Variants in PCM1 observed in about 807,000 individuals in gnomAD.
PCM1 encodes the protein pericentriolar material 1.
PCM1 carries 157 observed loss-of-function variants against 241.9 expected under a neutral mutation model. The observed-to-expected ratio is 0.65, with a 90% confidence interval of 0.57 to 0.74. The LOEUF is 0.74. Among genes scored for constraint, PCM1 ranks in the 30% least tolerant of loss-of-function variants. PCM1 has a pLI of 0.00. For missense variants in PCM1, 3,478 were observed against 2,360.1 expected (o/e 1.47, Z -9.81); for synonymous variants, 1,085 against 784.9 (o/e 1.38, Z -6.39).
At chr8:17,930,923 C>T (rs11990383) in intron 2 of PCM1, among the ~76,000 whole-genome samples, 1,903 of 152,066 alleles carry the variant, frequency 0.013, 45 homozygotes, top group African/African-American at 0.043. Flanking sequence ...ATTTCTTTAG[C>T]TTCATACTAA....
intron 32 of PCM1, 63 bp downstream of exon 32, chr8:18,010,731 G>A (rs1249717654): frequency 1.9e-5 from 23 of 1,238,236 alleles, no homozygotes; most frequent in South Asian, 2.7e-5. Context: ...CCCCGTAATC[G>A]CAGCCCTTTG....
chr8:17,962,121 A>C lies in PCM1; in HGVS notation c.2410A>C (p.Ser804Arg), dbSNP rs374616856. ...CCCAACTGTTAATCAACACGAGACC[A>C]GTACAAGCAAATCTGTTTTTGAGCC... ...STPTVNQHET[S>R]TSKSVFEPED... The change falls in exon 16 of 39, where the codon AGT becomes CGT. Residue 804 changes from serine to arginine, a missense_variant. Physicochemically the swap from Ser to Arg is moderately radical, Grantham distance 110. Transcript: ENST00000325083. The C allele has an allele frequency of 1.3e-4, 209 of 1,610,498 alleles. No homozygotes were observed. Among genetic ancestry groups the C allele is most frequent in the Non-Finnish European group, 1.7e-4 (196 of 1,177,964 alleles).
At chr8:17,939,931 C>T in intron 6 of PCM1, 70 bp downstream of exon 6, 1 of 1,108,634 alleles carries the variant, frequency 9.0e-7, no homozygotes, top group Middle Eastern at 2.1e-4. Flanking sequence ...TGATGACATT[C>T]TGATGCCACC....
In PCM1 at chr8:17,955,471, C is replaced by G. The variant is rs778875270; in HGVS notation, c.1290C>G (p.Ser430=). ...LRDQHLNNSS[S]SPQRSVDQRS... ...TTTTTGTTGTTGTGCCTTCTTCAGC[C>G]TCTCCACAAAGGAGTGTCGATCAGA... Residue 430 remains serine, a splice_region_variant and synonymous_variant, in exon 10 of 39, where the codon TCC becomes TCG. Coordinates refer to ENST00000325083, the MANE Select transcript of PCM1 (RefSeq NM_006197.4). The G allele has an allele frequency of 2.5e-6, 4 of 1,582,000 alleles. No homozygotes were observed. The highest frequency in any genetic ancestry group is 3.4e-6 in the Non-Finnish European group (4 of 1,165,138).
intron 5 of PCM1, 101 bp downstream of exon 5, chr8:17,939,110 G>T: frequency 8.4e-7 from 1 of 1,183,942 alleles, no homozygotes; most frequent in South Asian, 1.5e-5. Flanking sequence ...TTTTAGTTGG[G>T]TGGAATTAAA....
At chr8:17,991,809 C>T (rs1349846686) in intron 28 of PCM1, 109 bp downstream of exon 28, 2 of 735,566 alleles carry the variant, frequency 2.7e-6, no homozygotes, top group African/African-American at 3.5e-5. Flanking sequence ...ATCGCCTGAG[C>T]AGTATACACT....
In PCM1 at chr8:18,026,924, C is replaced by A. The variant is rs181398052; in HGVS notation, c.6050-713C>A. 5.9e-5 allele frequency among the ~76,000 whole-genome samples: 9 copies of A among 152,242 alleles called. No homozygotes were observed. The East Asian group carries it at 1.5e-3, about 26-fold the overall frequency. On this transcript the variant is annotated intron_variant, in intron 38 of 38. Coordinates refer to ENST00000325083, the MANE Select transcript of PCM1 (RefSeq NM_006197.4). ...CGTAATATAATTAAATGGTTCTATA[C>A]CTTCTCTGAGGTTGCTTCTATATAA...
At chr8:17,937,981 CTG>C (rs1444985426) in intron 4 of PCM1, among the ~76,000 whole-genome samples, 1 of 152,154 alleles carries the variant, frequency 6.6e-6, no homozygotes, top group Non-Finnish European at 1.5e-5. Flanking sequence ...GAACACTTAA[CTG>C]TATATCAGGC....
At chr8:17,996,955 C>T (rs1003729358) in intron 29 of PCM1, among the ~76,000 whole-genome samples, 2 of 152,018 alleles carry the variant, frequency 1.3e-5, no homozygotes, top group African/African-American at 4.8e-5. Flanking sequence ...ACCACAATTA[C>T]AGTGTTATAA....
chr8:17,967,281 T>C, intron 21 of PCM1, 111 bp downstream of exon 21: 1 of 725,398 alleles, frequency 1.4e-6, no homozygotes, highest in Non-Finnish European at 2.2e-6. Flanking sequence ...GGGTAGGAAA[T>C]GTTTGCAAAG....
At chr8:17,981,595 T>G (rs1442876571) in intron 24 of PCM1, among the ~76,000 whole-genome samples, 1 of 152,182 alleles carries the variant, frequency 6.6e-6, no homozygotes, top group Non-Finnish European at 1.5e-5. Context: ...TCTAGTAGCT[T>G]TCATTGACAT....
intron 2 of PCM1, 24 bp from the exon 3 acceptor site, chr8:17,935,565 C>A (rs189856238): frequency 4.9e-6 from 4 of 812,406 alleles, no homozygotes; most frequent in Admixed American, 1.9e-5. Flanking sequence ...TGTTATAAAG[C>A]TCAGTTCTTA....
intron 29 of PCM1, among the ~76,000 whole-genome samples, chr8:17,997,827 C>T (rs970001311): frequency 4.0e-5 from 6 of 151,214 alleles, no homozygotes; most frequent in South Asian, 2.1e-4. Context: ...GAGTTTGAGA[C>T]CAGCCTGGCC....
rs1384431551 is a variant in PCM1 at position 18,011,790 on chromosome 8, A to G, written c.5474A>G (p.Asn1825Ser). The G allele has an allele frequency of 6.2e-7, 1 of 1,613,452 alleles. No individual in the cohort carries two copies. Among genetic ancestry groups the G allele is most frequent in the Non-Finnish European group, 8.5e-7 (1 of 1,179,768 alleles). ...GATGTCCAGACTTCCCTCCAGGCTA[A>G]CACTGAAGCTACTGAAGAAAATGAA... ...PVDVQTSLQA[N>S]TEATEENEHD... The change falls in exon 34 of 39, where the codon AAC becomes AGC. Residue 1825 changes from asparagine to serine, a missense_variant. Coordinates refer to ENST00000325083, the MANE Select transcript of PCM1 (RefSeq NM_006197.4).
At chr8:17,963,710 T>C (rs1458141106) in intron 17 of PCM1, among the ~76,000 whole-genome samples, 1 of 152,238 alleles carries the variant, frequency 6.6e-6, no homozygotes, top group Non-Finnish European at 1.5e-5. Flanking sequence ...CATTTAGTTT[T>C]TAGGATTTCA....
chr8:17,987,702 G>A (rs2083074648), intron 26 of PCM1, among the ~76,000 whole-genome samples: 1 of 151,784 alleles, frequency 6.6e-6, no homozygotes, highest in Non-Finnish European at 1.5e-5. Context: ...TTAATCAGCA[G>A]CACCACAATA....
At position 17,937,263 on chromosome 8, in the gene PCM1, A is replaced by G; in HGVS notation, c.226A>G (p.Arg76Gly). 1 of 1,611,672 alleles carries G rather than the reference A, an allele frequency of 6.2e-7. No homozygotes were observed. The change falls in exon 4 of 39, where the codon AGA becomes GGA. Residue 76 changes from arginine to glycine, a missense_variant. By Grantham distance (125) the Arg-to-Gly change is moderately radical. Coordinates refer to ENST00000325083, the MANE Select transcript of PCM1 (RefSeq NM_006197.4). ...PESSPGVGRRRTKTPHTFPHS... is the reference protein window; with the variant it reads ...PESSPGVGRRGTKTPHTFPHS... ...GTCGTCACCAGGAGTTGGAAGGCGA[A>G]GAACAAAGACTCCACATACGTTCCC...
At chr8:17,951,638 A>C (rs920176468) in intron 8 of PCM1, among the ~76,000 whole-genome samples, 8 of 152,200 alleles carry the variant, frequency 5.3e-5, no homozygotes, top group Non-Finnish European at 1.2e-4. Flanking sequence ...CACTTACCTT[A>C]TTTTAAAAAA....
intron 4 of PCM1, 118 bp downstream of exon 4, chr8:17,937,497 C>G: frequency 1.1e-6 from 1 of 883,498 alleles, no homozygotes; most frequent in Non-Finnish European, 1.7e-6. Context: ...AAAAAAGTTT[C>G]TGTGCCTATG....
Sources: gnomAD v4.1 joint callset for allele counts (sites outside exome capture counted in the v4.1 genomes callset) on GRCh38, gnomAD v4.1.1 for gene constraint, MANE v1.5 for transcripts, NCBI Gene and HGNC (gene_info 2026-07-23, HGNC 2026-07-21) for gene names.